Variants in TTC7B observed in about 807,000 individuals in gnomAD.
The protein encoded by TTC7B is tetratricopeptide repeat protein 7B.
TTC7B carries 28 observed loss-of-function variants against 106.8 expected under a neutral mutation model. That is an observed-to-expected ratio of 0.26 (90% CI 0.19 to 0.36). The LOEUF (loss-of-function observed/expected upper bound fraction) is 0.36, where lower values mean the gene tolerates loss of function less well. TTC7B is among the 10% of genes least tolerant of loss of function. The pLI, the probability that TTC7B is intolerant of heterozygous loss-of-function variation, is 1.00. For synonymous variants in TTC7B, 405 were observed against 430.6 expected, an observed-to-expected ratio of 0.94 and a Z score of 0.74; for missense variants, 862 against 1,076.4, an observed-to-expected ratio of 0.80 and a Z score of 2.79.
At chr14:90,593,279 G>A (rs1892044523) in intron 18 of TTC7B, among the ~76,000 whole-genome samples, 1 of 152,232 alleles carries the variant, frequency 6.6e-6, no homozygotes, top group African/African-American at 2.4e-5. Context: ...CGAGGCAGGG[G>A]AGAGGGATCG....
intron 3 of TTC7B, among the ~76,000 whole-genome samples, chr14:90,747,369 C>G (rs12884708): frequency 0.28 from 43,108 of 152,102 alleles, 6,526 homozygotes; most frequent in East Asian, 0.38. Context: ...TTTGCTTTTA[C>G]TGATTGTAAT....
rs1485385050 is a variant in TTC7B, at chr14:90,686,400, C to A, written c.950+3140G>T. On this transcript the variant is annotated intron_variant, in intron 7 of 19. Coordinates refer to ENST00000328459, the MANE Select transcript of TTC7B (RefSeq NM_001010854.2). ...GTGAAAGACTAGATAATTTCCCCCG[C>A]CTGAGATCAGGAATGAGACAAGGAT... Among the ~76,000 whole-genome samples, 4 of 152,282 alleles carry A rather than the reference C, an allele frequency of 2.6e-5. No homozygotes were observed. In the East Asian group the frequency reaches 7.7e-4, roughly 29 times the overall value.
rs1012016405 is a variant in TTC7B at position 90,816,401 on chromosome 14, C to A, written c.-106G>T. On this transcript the variant is annotated 5_prime_UTR_variant, in exon 1 of 20. Transcript: ENST00000328459. ...CGCCGCGGGCTCGGGCTCCGGCTCCCGGCTCCGCGGCGTAACGGGAGCGCC... is the reference window on the plus strand; with the variant it reads ...CGCCGCGGGCTCGGGCTCCGGCTCCAGGCTCCGCGGCGTAACGGGAGCGCC... The A allele has an allele frequency of 1.2e-4, 73 of 589,238 alleles. No individual in the cohort carries two copies. In the African/African-American group the frequency reaches 1.4e-3, roughly 12 times the overall value. The allele number at this position is 589,238 out of a possible 1,614,324, so 36.5% of individuals were successfully genotyped here.
At chr14:90,701,734 C>G (rs1303652115) in intron 5 of TTC7B, among the ~76,000 whole-genome samples, 1 of 150,324 alleles carries the variant, frequency 6.7e-6, no homozygotes, top group Non-Finnish European at 1.5e-5. Flanking sequence ...ATATATTTCT[C>G]TCTCCATATA....
chr14:90,553,986 G>T (rs140067914), intron 19 of TTC7B, among the ~76,000 whole-genome samples: 1 of 152,358 alleles, frequency 6.6e-6, no homozygotes, highest in Non-Finnish European at 1.5e-5. Flanking sequence ...GGGCTGTCAG[G>T]CAGTAAACGC....
At position 90,808,152 on chromosome 14, in the gene TTC7B, A is replaced by G. The variant is rs755190619; in HGVS notation, c.121+8023T>C. 9.2e-5 allele frequency among the ~76,000 whole-genome samples: 14 copies of G among 152,220 alleles called. No homozygotes were observed. Among genetic ancestry groups the G allele is most frequent in the South Asian group, 2.1e-4 (1 of 4,836 alleles). On this transcript the variant is annotated intron_variant, in intron 1 of 19. Coordinates refer to ENST00000328459, the MANE Select transcript of TTC7B (RefSeq NM_001010854.2). This position sits in a 1 kb window ranked among gnomAD's most constrained non-coding sequence, Gnocchi z 4.2. ...TCATAGCCAGAATCTGGCACACAAG[A>G]GAGACGCAAGAGGCTGGGCACAGTG...
Position 90,816,363 on chromosome 14 carries a change from C to G in TTC7B, c.-68G>C. 1.2e-6 allele frequency: 1 copy of G among 865,212 alleles called. No individual in the cohort carries two copies. Among genetic ancestry groups the G allele is most frequent in the South Asian group, 5.1e-5 (1 of 19,676 alleles). 53.6% of individuals were successfully genotyped at this position (865,212 alleles called of 1,614,324 possible). ...CGCCGCCGCCGCGGCGCCCCCTCGC[C>G]GCCTCCCGCCGCCGCCGCGGGCTCG... On this transcript the variant is annotated 5_prime_UTR_variant, in exon 1 of 20. Coordinates refer to ENST00000328459, the MANE Select transcript of TTC7B (RefSeq NM_001010854.2).
chr14:90,726,173 C>A (rs1889094448), intron 5 of TTC7B, among the ~76,000 whole-genome samples: 1 of 152,166 alleles, frequency 6.6e-6, no homozygotes. Context: ...ATTCTGGCGG[C>A]AATGACTCAA....
chr14:90,569,221 G>A (rs1346214783), intron 19 of TTC7B, among the ~76,000 whole-genome samples: 1 of 152,200 alleles, frequency 6.6e-6, no homozygotes, highest in Non-Finnish European at 1.5e-5. Flanking sequence ...GTGGAAAGCA[G>A]GGGAGGCTGC....
chr14:90,680,401 C>A, intron 8 of TTC7B, 71 bp downstream of exon 8: 1 of 1,141,776 alleles, frequency 8.8e-7, no homozygotes, highest in South Asian at 1.3e-5. Context: ...ATGATACTGG[C>A]AGAATGGCTA....
intron 19 of TTC7B, among the ~76,000 whole-genome samples, chr14:90,563,012 C>T (rs965838988): frequency 6.6e-6 from 1 of 152,168 alleles, no homozygotes. Flanking sequence ...CTTGACAACC[C>T]TTATCCTCAC....
Position 90,577,883 on chromosome 14 carries a change from G to A in TTC7B, c.2310+223C>T, listed in dbSNP as rs1030994693. 2.6e-5 allele frequency among the ~76,000 whole-genome samples: 4 copies of A among 152,230 alleles called. No individual in the cohort carries two copies. The highest frequency in any genetic ancestry group is 4.8e-5 in the African/African-American group (2 of 41,462). ...AGACCACAGCACCTAACAGGATGTCGGGTAGGGCTGCTGAGGCTATACACA... is the reference window on the plus strand; with the variant it reads ...AGACCACAGCACCTAACAGGATGTCAGGTAGGGCTGCTGAGGCTATACACA... On this transcript the variant is annotated intron_variant, in intron 19 of 19. Coordinates refer to ENST00000328459, the MANE Select transcript of TTC7B (RefSeq NM_001010854.2). This position sits in a 1 kb window ranked among gnomAD's most constrained non-coding sequence, Gnocchi z 5.0.
chr14:90,725,723 A>G (rs1345951383), intron 5 of TTC7B, among the ~76,000 whole-genome samples: 1 of 152,156 alleles, frequency 6.6e-6, no homozygotes, highest in African/African-American at 2.4e-5. Flanking sequence ...GTACAACCCC[A>G]TGGGTGCATC....
intron 3 of TTC7B, among the ~76,000 whole-genome samples, chr14:90,764,763 C>G (rs1566876399): frequency 6.6e-6 from 1 of 152,038 alleles, no homozygotes; most frequent in Non-Finnish European, 1.5e-5. Context: ...CAATGAGATA[C>G]CATTTCATAC....
intron 3 of TTC7B, among the ~76,000 whole-genome samples, chr14:90,753,895 C>T (rs940363940): frequency 6.6e-6 from 1 of 152,224 alleles, no homozygotes; most frequent in Non-Finnish European, 1.5e-5. Flanking sequence ...ATGTCCCTTC[C>T]AGCTCCACAA....
At chr14:90,621,320 G>A (rs1200032871) in intron 15 of TTC7B, among the ~76,000 whole-genome samples, 4 of 147,820 alleles carry the variant, frequency 2.7e-5, no homozygotes, top group South Asian at 2.1e-4. Context: ...GGGTACAGCC[G>A]GGACGATGGG....
chr14:90,555,781 C>T (rs934742902), intron 19 of TTC7B, among the ~76,000 whole-genome samples: 2 of 152,348 alleles, frequency 1.3e-5, no homozygotes, highest in South Asian at 2.1e-4. Context: ...TCTGGAGAGA[C>T]CAAGGGAGGC....
chr14:90,731,227 A>G (rs567738287), intron 4 of TTC7B, among the ~76,000 whole-genome samples: 1 of 152,274 alleles, frequency 6.6e-6, no homozygotes, highest in East Asian at 1.9e-4. Flanking sequence ...CTGGGATTAC[A>G]GGCGTGAGCC....
At chr14:90,733,221 C>A (rs960218091) in intron 4 of TTC7B, among the ~76,000 whole-genome samples, 1 of 117,182 alleles carries the variant, frequency 8.5e-6, no homozygotes, top group African/African-American at 3.2e-5. Context: ...TCCACAAAAA[C>A]CCACCGAGAT....
Sources: gnomAD v4.1 joint callset for allele counts (sites outside exome capture counted in the v4.1 genomes callset) on GRCh38, gnomAD v4.1.1 for gene constraint, Gnocchi (gnomAD v3.1) non-coding constraint, MANE v1.5 for transcripts, NCBI Gene and HGNC (gene_info 2026-07-23, HGNC 2026-07-21) for gene names.